Variants in PTPRD observed in about 807,000 individuals in gnomAD.
PTPRD encodes protein tyrosine phosphatase receptor type D, also known as receptor-type tyrosine-protein phosphatase delta.
In PTPRD, 34 loss-of-function variants were observed where a neutral mutation model predicts 214.5. That is an observed-to-expected ratio of 0.16 (90% CI 0.12 to 0.21). PTPRD has a LOEUF of 0.21. Among genes scored for constraint, PTPRD ranks in the 10% least tolerant of loss-of-function variants. PTPRD has a pLI of 1.00. For synonymous variants in PTPRD, 1,128 were observed against 845.7 expected (o/e 1.33, Z -5.79); for missense variants, 2,545 against 2,398.7 (o/e 1.06, Z -1.27).
chr9:10,116,440 G>A (rs12683509), intron 3 of PTPRD, among the ~76,000 whole-genome samples: 8 of 152,034 alleles, frequency 5.3e-5, no homozygotes, highest in Non-Finnish European at 7.4e-5. Flanking sequence ...AGATATTTTC[G>A]TATCAATTAA....
intron 2 of PTPRD, among the ~76,000 whole-genome samples, chr9:10,465,312 T>A (rs756863182): frequency 6.6e-6 from 1 of 152,208 alleles, no homozygotes; most frequent in Non-Finnish European, 1.5e-5. Context: ...AAAGTTCTTT[T>A]AGATAACTCC....
chr9:9,558,662 T>C (rs562808496), intron 8 of PTPRD, among the ~76,000 whole-genome samples: 2 of 152,310 alleles, frequency 1.3e-5, no homozygotes, highest in South Asian at 4.1e-4. Context: ...TGTCACCTCC[T>C]TGGTGATTAC....
chr9:8,790,652 T>C (rs948778631), intron 11 of PTPRD, among the ~76,000 whole-genome samples: 1 of 152,126 alleles, frequency 6.6e-6, no homozygotes, highest in Non-Finnish European at 1.5e-5. Context: ...TATGAATATC[T>C]AAGCATACCT....
chr9:8,623,324 A>G (rs1429909087), intron 14 of PTPRD, among the ~76,000 whole-genome samples: 2 of 151,886 alleles, frequency 1.3e-5, no homozygotes, highest in African/African-American at 2.4e-5. Context: ...TCTCTTAAGT[A>G]TACTCCCCTA....
chr9:9,943,061 G>A (rs1379353145), intron 4 of PTPRD, among the ~76,000 whole-genome samples: 1 of 152,130 alleles, frequency 6.6e-6, no homozygotes, highest in East Asian at 1.9e-4. Flanking sequence ...ATAGCTGGAT[G>A]TCAGTCTTAC....
chr9:10,394,164 A>C (rs2098126274), intron 2 of PTPRD, among the ~76,000 whole-genome samples: 1 of 145,568 alleles, frequency 6.9e-6, no homozygotes, highest in Non-Finnish European at 1.5e-5. Context: ...ATATAGATAT[A>C]TATACATATA....
intron 2 of PTPRD, among the ~76,000 whole-genome samples, chr9:10,447,621 G>A (rs895200523): frequency 6.6e-6 from 1 of 151,852 alleles, no homozygotes. Flanking sequence ...ACAAATATTT[G>A]TTTTTTATTT....
At chr9:10,352,966 T>C (rs963838978) in intron 2 of PTPRD, among the ~76,000 whole-genome samples, 1 of 151,948 alleles carries the variant, frequency 6.6e-6, no homozygotes, top group African/African-American at 2.4e-5. Context: ...CAACAGTTTT[T>C]GGTTGAGTGA....
At chr9:9,440,910 A>G (rs1355928183) in intron 8 of PTPRD, among the ~76,000 whole-genome samples, 1 of 152,172 alleles carries the variant, frequency 6.6e-6, no homozygotes, top group Non-Finnish European at 1.5e-5. Context: ...CCCTAGGATC[A>G]GCATTTGAAG....
intron 5 of PTPRD, among the ~76,000 whole-genome samples, chr9:9,804,942 G>A (rs989658879): frequency 6.6e-6 from 1 of 151,816 alleles, no homozygotes; most frequent in Non-Finnish European, 1.5e-5. Flanking sequence ...ATGTGATCAT[G>A]CATAAAATAT....
chr9:8,435,816 A>G (rs984423651), intron 35 of PTPRD, among the ~76,000 whole-genome samples: 3 of 152,210 alleles, frequency 2.0e-5, no homozygotes, highest in Non-Finnish European at 4.4e-5. Context: ...ATTTTAAGAT[A>G]GCATTCAGCG....
intron 4 of PTPRD, among the ~76,000 whole-genome samples, chr9:10,030,824 C>T (rs1217002): frequency 0.038 from 5,735 of 152,240 alleles, 379 homozygotes; most frequent in African/African-American, 0.13. Context: ...TCATCTTCAC[C>T]TTCGGACTCT....
At chr9:9,798,514 A>G (rs917410245) in intron 5 of PTPRD, among the ~76,000 whole-genome samples, 2 of 152,102 alleles carry the variant, frequency 1.3e-5, no homozygotes, top group East Asian at 3.9e-4. Context: ...TCTTCCAAGG[A>G]TAGGGAAGGG....
intron 3 of PTPRD, among the ~76,000 whole-genome samples, chr9:10,292,095 C>A (rs191472337): frequency 3.3e-5 from 5 of 151,980 alleles, no homozygotes; most frequent in Non-Finnish European, 5.9e-5. Context: ...TAATCCTAAC[C>A]CAGGAAAAAT....
chr9:8,486,130 G>A lies in PTPRD; in HGVS notation c.2687C>T (p.Ser896Leu), dbSNP rs2097000617. The A allele has an allele frequency of 6.2e-7, 1 of 1,614,182 alleles. No individual in the cohort carries two copies. The highest frequency in any genetic ancestry group is 8.5e-7 in the Non-Finnish European group (1 of 1,180,032). ...HKGASYVFRL[S>L]ARNKVGFGEE... Reference sequence around the variant, plus strand: ...CCCAAAGCCCACTTTGTTTCTGGCTGAGAGCCTGAAGACGTATGATGCTCC... The same window carrying A: ...CCCAAAGCCCACTTTGTTTCTGGCTAAGAGCCTGAAGACGTATGATGCTCC... Residue 896 changes from serine (S) to leucine (L), a missense_variant, in exon 28 of 46, where the codon TCA becomes TTA. By Grantham distance (145) the Ser-to-Leu change is moderately radical (BLOSUM62 -2). Transcript: ENST00000381196.
chr9:10,120,669 GAA>G (rs34840418), intron 3 of PTPRD, among the ~76,000 whole-genome samples: 34 of 151,602 alleles, frequency 2.2e-4, no homozygotes, highest in African/African-American at 7.7e-4. Context: ...TATAAATTTT[GAA>G]AAAAAATTTG....
intron 2 of PTPRD, among the ~76,000 whole-genome samples, chr9:10,556,869 C>G (rs538706211): frequency 1.4e-4 from 21 of 151,860 alleles, no homozygotes; most frequent in Non-Finnish European, 1.6e-4. Context: ...CTATCCAATA[C>G]AATCAAGAGT....
chr9:10,240,690 T>C (rs1215331978), intron 3 of PTPRD, among the ~76,000 whole-genome samples: 2 of 151,918 alleles, frequency 1.3e-5, no homozygotes, highest in Non-Finnish European at 2.9e-5. Context: ...TGATTATTAA[T>C]GCCTAATAAA....
At chr9:8,360,727 C>T (rs1342007853) in intron 39 of PTPRD, among the ~76,000 whole-genome samples, 3 of 152,178 alleles carry the variant, frequency 2.0e-5, no homozygotes, top group African/African-American at 4.8e-5. Flanking sequence ...CGTTTTATTA[C>T]TGTGAGCCAA....
Sources: allele counts gnomAD v4.1 joint callset (sites outside exome capture counted in the v4.1 genomes callset), GRCh38; gene constraint gnomAD v4.1.1; transcripts MANE v1.5; gene names NCBI Gene and HGNC (gene_info 2026-07-23, HGNC 2026-07-21).